LRRC8C: variants seen among roughly 807,000 people sequenced by gnomAD.
LRRC8C encodes leucine rich repeat containing 8 VRAC subunit C.
A neutral mutation model predicts 55.3 loss-of-function variants in LRRC8C; 20 were observed. That is an observed-to-expected ratio of 0.36 (90% CI 0.25 to 0.53). LRRC8C has a LOEUF of 0.53. Among genes scored for constraint, LRRC8C ranks in the 20% least tolerant of loss-of-function variants. The probability of loss-of-function intolerance (pLI) is 0.92; values close to 1 mark genes in which losing one functional copy is unlikely to be tolerated. For missense variants in LRRC8C, 659 were observed against 951.4 expected, an observed-to-expected ratio of 0.69 and a Z score of 4.04; for synonymous variants, 376 against 360.7, an observed-to-expected ratio of 1.04 and a Z score of -0.48.
At chr1:89,696,187 G>A (rs1392715119) in intron 2 of LRRC8C, among the ~76,000 whole-genome samples, 1 of 152,190 alleles carries the variant, frequency 6.6e-6, no homozygotes. Context: ...CTTTGCAGGA[G>A]CTATACAGAC....
intron 1 of LRRC8C, among the ~76,000 whole-genome samples, chr1:89,686,206 G>C (rs1465626694): frequency 2.0e-5 from 3 of 152,162 alleles, no homozygotes; most frequent in Non-Finnish European, 4.4e-5. Context: ...AAAGTGTCTG[G>C]CCATGTTCTT....
intron 2 of LRRC8C, among the ~76,000 whole-genome samples, chr1:89,688,702 TTC>T (rs1570726506): frequency 6.6e-6 from 1 of 152,196 alleles, no homozygotes; most frequent in East Asian, 1.9e-4. Context: ...TTTCTCAGTT[TTC>T]TAGTTTGGTT....
intron 2 of LRRC8C, among the ~76,000 whole-genome samples, chr1:89,695,743 C>G (rs530113265): frequency 5.9e-5 from 9 of 152,116 alleles, no homozygotes; most frequent in Non-Finnish European, 1.2e-4. Flanking sequence ...TCAGCTAGAT[C>G]AAGTTAATTT....
chr1:89,701,480 C>CAA (rs398053212), intron 2 of LRRC8C, among the ~76,000 whole-genome samples: 39 of 122,410 alleles, frequency 3.2e-4, no homozygotes, highest in Admixed American at 1.5e-3. Flanking sequence ...GACTCCATCT[C>CAA]AAAAAAAAAA....
At chr1:89,660,186 A>G (rs1363282946) in intron 1 of LRRC8C, among the ~76,000 whole-genome samples, 1 of 152,168 alleles carries the variant, frequency 6.6e-6, no homozygotes, top group Non-Finnish European at 1.5e-5. Context: ...TTAAAATATA[A>G]ATTCATGGAG....
At chr1:89,651,429 A>C (rs565652649) in intron 1 of LRRC8C, among the ~76,000 whole-genome samples, 1 of 151,778 alleles carries the variant, frequency 6.6e-6, no homozygotes, top group East Asian at 1.9e-4. Flanking sequence ...TTAGCCGGGC[A>C]TGGTGGCGGG....
intron 1 of LRRC8C, among the ~76,000 whole-genome samples, chr1:89,646,182 A>G (rs759269969): frequency 3.3e-5 from 5 of 152,108 alleles, no homozygotes; most frequent in African/African-American, 4.8e-5. Context: ...CTTTGAAAAC[A>G]TTAATGAATC....
chr1:89,659,093 G>T (rs1275268150), intron 1 of LRRC8C, among the ~76,000 whole-genome samples: 2 of 143,310 alleles, frequency 1.4e-5, no homozygotes, highest in African/African-American at 2.6e-5. Flanking sequence ...GTGTGTGTGT[G>T]TGTGTGTGTG....
intron 2 of LRRC8C, among the ~76,000 whole-genome samples, chr1:89,704,853 A>T (rs1658430250): frequency 6.6e-6 from 1 of 152,108 alleles, no homozygotes; most frequent in Admixed American, 6.5e-5. Context: ...ACCATTGTGG[A>T]AGTCAGTGTG....
At chr1:89,651,608 T>C (rs926910059) in intron 1 of LRRC8C, among the ~76,000 whole-genome samples, 1 of 147,852 alleles carries the variant, frequency 6.8e-6, no homozygotes, top group Non-Finnish European at 1.5e-5. Flanking sequence ...AGACCACATA[T>C]GATTTATAAA....
intron 1 of LRRC8C, 25 bp from the exon 2 acceptor site, chr1:89,686,445 T>A: frequency 6.2e-7 from 1 of 1,613,094 alleles, no homozygotes; most frequent in Non-Finnish European, 8.5e-7. Flanking sequence ...ATAAATTGAT[T>A]TACAAGTAAT....
intron 1 of LRRC8C, among the ~76,000 whole-genome samples, chr1:89,657,878 T>C (rs566995935): frequency 6.6e-6 from 1 of 152,296 alleles, no homozygotes; most frequent in East Asian, 1.9e-4. Context: ...ATTAGAATAT[T>C]TTATAAACAA....
chr1:89,715,023 A>G lies in LRRC8C; in HGVS notation c.*41A>G, dbSNP rs1382031189. The G allele has an allele frequency of 1.4e-6, 2 of 1,413,688 alleles. No homozygotes were observed. Among genetic ancestry groups the G allele is most frequent in the Non-Finnish European group, 1.9e-6 (2 of 1,042,116 alleles). 87.6% of individuals were successfully genotyped at this position (1,413,688 alleles called of 1,614,324 possible). A position where few individuals can be genotyped will look rare whatever the true frequency, so the allele number is the denominator to read the frequency against. Reference sequence around the variant, plus strand: ...AGTTTGACTGAAACACGCTTCTACCAAATACAGTATAAATAATTAGGTAGT... The same window carrying G: ...AGTTTGACTGAAACACGCTTCTACCGAATACAGTATAAATAATTAGGTAGT... On this transcript the variant is annotated 3_prime_UTR_variant, in exon 3 of 3. Coordinates refer to ENST00000370454, the MANE Select transcript of LRRC8C (RefSeq NM_032270.5).
intron 2 of LRRC8C, 75 bp downstream of exon 2, chr1:89,686,686 C>T: frequency 6.6e-7 from 1 of 1,526,694 alleles, no homozygotes; most frequent in Non-Finnish European, 8.9e-7. Flanking sequence ...AGGGAGCTGG[C>T]TGTGTGATTT....
At chr1:89,626,820 T>C in the LRRC8C span, 1 of 152,076 alleles carries the variant, frequency 6.6e-6, no homozygotes, top group African/African-American at 2.4e-5. Context: ...TCCATCCTTT[T>C]TGGTTTCTAT....
rs369329385 is a variant in LRRC8C at position 89,714,643 on chromosome 1, G to A, written c.2073G>A (p.Ser691=). The change falls in exon 3 of 3, where the codon TCG becomes TCA. Residue 691 remains serine, a synonymous_variant. Coordinates refer to ENST00000370454, the MANE Select transcript of LRRC8C (RefSeq NM_032270.5). This position sits in a 1 kb window ranked among gnomAD's most constrained non-coding sequence, Gnocchi z 4.6. Reference sequence around the variant, plus strand: ...ACAAGATCCGATACTTGGACTTATCGTACAATGACATTCGATTTATCCCCC... The same window carrying A: ...ACAAGATCCGATACTTGGACTTATCATACAATGACATTCGATTTATCCCCC... ...LCNKIRYLDL[S]YNDIRFIPPE... 27 of 1,614,058 alleles carry A rather than the reference G, an allele frequency of 1.7e-5. No homozygotes were observed. The highest frequency in any genetic ancestry group is 1.2e-4 in the African/African-American group (9 of 75,008).
chr1:89,712,701 T>C lies in LRRC8C; in HGVS notation c.139-8T>C, dbSNP rs1253720994. ...ATATAATTTGAAAATATTATTTCCA[T>C]GTTTCAGGTCATGCAAGACAAGATA... On this transcript the variant is annotated splice_polypyrimidine_tract_variant and splice_region_variant and intron_variant, in intron 2 of 2. Coordinates refer to ENST00000370454, the MANE Select transcript of LRRC8C (RefSeq NM_032270.5). 7 of 1,592,948 alleles carry C rather than the reference T, an allele frequency of 4.4e-6. No homozygotes were observed. In the East Asian group the frequency reaches 1.6e-4, roughly 36 times the overall value.
chr1:89,690,247 G>A (rs937821901), intron 2 of LRRC8C, among the ~76,000 whole-genome samples: 28 of 152,114 alleles, frequency 1.8e-4, no homozygotes, highest in African/African-American at 6.8e-4. Flanking sequence ...AGAAAGACAG[G>A]CGTCTGTGCC....
chr1:89,687,610 A>C (rs1458452200), intron 2 of LRRC8C, among the ~76,000 whole-genome samples: 1 of 152,172 alleles, frequency 6.6e-6, no homozygotes, highest in African/African-American at 2.4e-5. Context: ...AAGAAGACTG[A>C]GAAGGGGCAG....
Sources: gnomAD v4.1 joint callset for allele counts (sites outside exome capture counted in the v4.1 genomes callset) on GRCh38, gnomAD v4.1.1 for gene constraint, Gnocchi (gnomAD v3.1) non-coding constraint, MANE v1.5 for transcripts, NCBI Gene and HGNC (gene_info 2026-07-23, HGNC 2026-07-21) for gene names.